Variants in ZDHHC23 observed in about 807,000 individuals in gnomAD.
ZDHHC23 encodes zDHHC palmitoyltransferase 23.
In ZDHHC23, 41 loss-of-function variants were observed where a neutral mutation model predicts 40.2. The observed-to-expected ratio is 1.02, with a 90% CI of 0.79 to 1.32. The LOEUF is 1.32. Among genes scored for constraint, ZDHHC23 ranks in the 40% most tolerant of loss-of-function variants. The pLI is 0.00. For synonymous variants in ZDHHC23, 204 were observed against 210.2 expected (o/e 0.97, Z 0.26); for missense variants, 471 against 541.5 (o/e 0.87, Z 1.29).
chr3:113,959,014 A>T lies in ZDHHC23; in HGVS notation c.*384A>T, dbSNP rs528771376. ...TTAATAGCCATGTGACCCCTAGCTG[A>T]GTCACTTTCCCAAGTCTCAGGGTCA... On this transcript the variant is annotated 3_prime_UTR_variant, in exon 5 of 5. Transcript: ENST00000638807. The T allele has an allele frequency of 8.5e-5, 94 of 1,112,092 alleles. No homozygotes were observed. In the South Asian group the frequency reaches 1.4e-3, roughly 17 times the overall value. The allele number at this position is 1,112,092 out of a possible 1,614,324, so 68.9% of individuals were successfully genotyped here.
intron 1 of ZDHHC23, 61 bp from the exon 2 acceptor site, chr3:113,948,625 A>G (rs1938353477): frequency 4.5e-6 from 3 of 669,574 alleles, no homozygotes; most frequent in Non-Finnish European, 7.4e-6. Flanking sequence ...AGGCGGAGCC[A>G]CAGAAGCCTG....
downstream of ZDHHC23, chr3:113,964,293 T>G (rs948300467): frequency 2.6e-5 from 4 of 152,236 alleles, no homozygotes; most frequent in African/African-American, 9.6e-5. Flanking sequence ...TATTTTATAA[T>G]GAAAAATTAT....
At chr3:113,948,223 G>A (rs1322298844) in intron 1 of ZDHHC23, 33 bp downstream of exon 1, 1 of 152,778 alleles carries the variant, frequency 6.5e-6, no homozygotes, top group East Asian at 1.9e-4. Flanking sequence ...TCTCCTGGCG[G>A]GGTGGTGCGC....
chr3:113,976,918 A>G, the ZDHHC23 span, among the ~76,000 whole-genome samples: 1 of 152,218 alleles, frequency 6.6e-6, no homozygotes, highest in South Asian at 2.1e-4. Flanking sequence ...TTTTAATTTA[A>G]ACAAAACTAT....
At chr3:113,974,308 C>T in the ZDHHC23 span, among the ~76,000 whole-genome samples, 2 of 150,562 alleles carry the variant, frequency 1.3e-5, no homozygotes, top group African/African-American at 2.5e-5. Context: ...TCATGGTTCC[C>T]CATTTGCTGT....
chr3:113,971,123 T>C, the ZDHHC23 span, among the ~76,000 whole-genome samples: 1 of 152,188 alleles, frequency 6.6e-6, no homozygotes, highest in Non-Finnish European at 1.5e-5. Context: ...TAGTTCTAGA[T>C]CCCTGAGGAA....
At chr3:113,967,107 GAAAAAAAGAAAAAA>G, downstream of ZDHHC23, among the ~76,000 whole-genome samples, 1 of 64,210 alleles carries the variant, frequency 1.6e-5, no homozygotes, top group Non-Finnish European at 4.7e-5. Context: ...CTCAAAAAAA[GAAAAAAAGAAAAAA>G]AGAAAAAGGC....
rs752954005 is a variant in ZDHHC23 at position 113,958,702 on chromosome 3, G to C, written c.*72G>C. 6.3e-7 allele frequency: 1 copy of C among 1,593,362 alleles called. No homozygotes were observed. The highest frequency in any genetic ancestry group is 2.2e-5 in the East Asian group (1 of 44,700). On this transcript the variant is annotated 3_prime_UTR_variant, in exon 5 of 5. Transcript: ENST00000638807. ...TCTCCCTTCCATTTTACACTTCAGT[G>C]TCCATTTCTATCCCCAGTTTCTTAA...
the ZDHHC23 span, among the ~76,000 whole-genome samples, chr3:113,976,521 G>T: frequency 6.6e-6 from 1 of 151,978 alleles, no homozygotes; most frequent in African/African-American, 2.4e-5. Context: ...AGATGAGATG[G>T]TTTGTGCAAA....
In ZDHHC23 at chr3:113,959,520, G is replaced by C. The variant is rs1171056840; in HGVS notation, c.*890G>C. 4 of 1,277,760 alleles carry C rather than the reference G, an allele frequency of 3.1e-6. No individual in the cohort carries two copies. The allele number at this position is 1,277,760 out of a possible 1,614,324, so 79.2% of individuals were successfully genotyped here. ...TTTTTCCTCTTCCCATGTTTCACCA[G>C]GTAAGGTGCTAGCACACTTGTGACT... On this transcript the variant is annotated 3_prime_UTR_variant, in exon 5 of 5. Transcript: ENST00000638807.
intron 2 of ZDHHC23, among the ~76,000 whole-genome samples, chr3:113,951,912 C>CA (rs749474599): frequency 2.0e-5 from 3 of 152,150 alleles, no homozygotes; most frequent in Non-Finnish European, 2.9e-5. Context: ...CCCAGGTGGG[C>CA]AGATCACCTG....
At position 113,960,694 on chromosome 3, in the gene ZDHHC23, T is replaced by A. The variant is rs374533875; in HGVS notation, c.*2064T>A. The A allele has an allele frequency of 2.5e-6, 4 of 1,606,392 alleles. No individual in the cohort carries two copies. In the African/African-American group the frequency reaches 5.4e-5, roughly 22 times the overall value. ...TGGGAGAATTAGGAATGATGACAAT[T>A]TTTTTTAACAACTTACCTCTAATAG... is the stretch of plus-strand genomic sequence containing the variant. On this transcript the variant is annotated 3_prime_UTR_variant, in exon 5 of 5. Transcript: ENST00000638807.
chr3:113,956,001 T>C (rs1939192117), intron 3 of ZDHHC23, among the ~76,000 whole-genome samples: 1 of 152,182 alleles, frequency 6.6e-6, no homozygotes, highest in Admixed American at 6.5e-5. Context: ...CCCAACACTT[T>C]GGGAGGCTGA....
At chr3:113,957,649 C>T (rs7650416) in intron 4 of ZDHHC23, 5,338 of 470,070 alleles carry the variant, frequency 0.011, 249 homozygotes, top group African/African-American at 0.095. Context: ...CTTTGAGGTC[C>T]CTTCAGCTTT....
chr3:113,954,479 C>T, intron 3 of ZDHHC23, 69 bp downstream of exon 3: 3 of 1,404,166 alleles, frequency 2.1e-6, no homozygotes, highest in Non-Finnish European at 2.8e-6. Context: ...ATTTTATCTT[C>T]CCTTGTGCTA....
At chr3:113,967,016 T>C (rs1362943969), downstream of ZDHHC23, among the ~76,000 whole-genome samples, 1 of 152,106 alleles carries the variant, frequency 6.6e-6, no homozygotes, top group Non-Finnish European at 1.5e-5. Flanking sequence ...CGAGAATCAC[T>C]TGAACCTGGG....
At position 113,956,559 on chromosome 3, in the gene ZDHHC23, C is replaced by T; in HGVS notation, c.1040+53C>T. On this transcript the variant is annotated intron_variant, in intron 4 of 4. Transcript: ENST00000638807. ...GCCCCCTGGGAAGTAATGGGTGTTGCCATTGACAGGGACTATTACTACTTG... is the reference window on the plus strand; with the variant it reads ...GCCCCCTGGGAAGTAATGGGTGTTGTCATTGACAGGGACTATTACTACTTG... 1.3e-6 allele frequency: 2 copies of T among 1,534,458 alleles called. 1 individual carries two copies. Among genetic ancestry groups the T allele is most frequent in the East Asian group, 4.6e-5 (2 of 43,912 alleles).
chr3:113,954,519 C>T (rs1325745640), intron 3 of ZDHHC23, 109 bp downstream of exon 3: 3 of 1,037,384 alleles, frequency 2.9e-6, no homozygotes, highest in South Asian at 3.5e-5. Flanking sequence ...CCCAGCTTTA[C>T]ACCTTGTAGA....
intron 2 of ZDHHC23, among the ~76,000 whole-genome samples, chr3:113,953,184 C>G (rs73856220): frequency 2.6e-5 from 4 of 152,140 alleles, no homozygotes; most frequent in Admixed American, 2.6e-4. Context: ...TCCTTACTCC[C>G]TCTCTATTCA....
Sources: gnomAD v4.1 joint callset for allele counts (sites outside exome capture counted in the v4.1 genomes callset) on GRCh38, gnomAD v4.1.1 for gene constraint, MANE v1.5 for transcripts, NCBI Gene and HGNC (gene_info 2026-07-23, HGNC 2026-07-21) for gene names.